Variants in CD72 observed in about 807,000 individuals in gnomAD.
The protein encoded by CD72 is B-cell differentiation antigen CD72.
A neutral mutation model predicts 50.7 loss-of-function variants in CD72; 28 were observed. The ratio of observed to expected loss-of-function variants is 0.55; its 90% CI spans 0.41 to 0.76. The LOEUF (loss-of-function observed/expected upper bound fraction) is 0.76, where lower values mean the gene tolerates loss of function less well. Among genes scored for constraint, CD72 ranks in the 30% least tolerant of loss-of-function variants. The pLI, the probability that CD72 is intolerant of heterozygous loss-of-function variation, is 0.00. For missense variants in CD72, 403 were observed against 420.6 expected (o/e 0.96, Z 0.37); for synonymous variants, 176 against 171.2 (o/e 1.03, Z -0.22).
chr9:35,614,728 C>T (rs1472088015), intron 5 of CD72, among the ~76,000 whole-genome samples: 4 of 151,802 alleles, frequency 2.6e-5, no homozygotes, highest in Non-Finnish European at 4.4e-5. Context: ...GAGCCAGGTG[C>T]GGTGGCTCAC....
chr9:35,636,314 GA>G, intron 1 of CD72, among the ~76,000 whole-genome samples: 1 of 152,144 alleles, frequency 6.6e-6, no homozygotes, highest in East Asian at 1.9e-4. Context: ...GGTTCTATTT[GA>G]CTTTTTTTTT....
At chr9:35,645,857 T>C (rs555539741) in intron 1 of CD72, among the ~76,000 whole-genome samples, 2 of 151,186 alleles carry the variant, frequency 1.3e-5, no homozygotes, top group East Asian at 3.9e-4. Flanking sequence ...TCCCCACCTA[T>C]AAGTAATTTC....
At chr9:35,627,106 C>T (rs561499067) in intron 1 of CD72, among the ~76,000 whole-genome samples, 4 of 147,330 alleles carry the variant, frequency 2.7e-5, no homozygotes, top group Non-Finnish European at 4.5e-5. Context: ...CCAAAGTGAT[C>T]GGATTACAGG....
chr9:35,611,992 G>C (rs1015377603), intron 6 of CD72, 73 bp from the exon 7 acceptor site: 6 of 842,350 alleles, frequency 7.1e-6, no homozygotes, highest in Non-Finnish European at 1.2e-5. Context: ...GCACACCCTA[G>C]GGAGGCCTCA....
rs538289883 is a variant in CD72, at chr9:35,618,374, G to T, written c.-71C>A. On this transcript the variant is annotated 5_prime_UTR_variant, in exon 1 of 9. Transcript: ENST00000259633. ...GTCCTCCCTTGCCCCTCTCGTCTCTGTCCGTTTACAACTAGGCTCTGTGTT... is the reference window on the plus strand; with the variant it reads ...GTCCTCCCTTGCCCCTCTCGTCTCTTTCCGTTTACAACTAGGCTCTGTGTT... The T allele has an allele frequency of 3.0e-3, 4,878 of 1,601,936 alleles. 13 individuals carry two copies. The highest frequency in any genetic ancestry group is 4.5e-3 in the Middle Eastern group (27 of 6,034).
At chr9:35,626,515 A>T (rs1823198223) in intron 1 of CD72, among the ~76,000 whole-genome samples, 1 of 152,182 alleles carries the variant, frequency 6.6e-6, no homozygotes, top group Non-Finnish European at 1.5e-5. Context: ...GCGAGGATTG[A>T]CTCCAATTTT....
chr9:35,621,479 C>T (rs1299396374), upstream of CD72, among the ~76,000 whole-genome samples: 1 of 152,222 alleles, frequency 6.6e-6, no homozygotes, highest in Non-Finnish European at 1.5e-5. Flanking sequence ...AACCCACTGG[C>T]CTCCGGGAAG....
At chr9:35,625,820 C>A (rs569053197) in intron 1 of CD72, among the ~76,000 whole-genome samples, 1 of 152,270 alleles carries the variant, frequency 6.6e-6, no homozygotes, top group Admixed American at 6.5e-5. Context: ...CATGGAAGAA[C>A]AAAGCCTGGA....
rs868360829 is a variant in CD72 at position 35,618,086 on chromosome 9, C to T, written c.118G>A (p.Glu40Lys). Residue 40 changes from glutamate (E) to lysine (K), a missense_variant, in exon 2 of 9, where the codon GAG (glutamate) becomes AAG (lysine). Transcript: ENST00000259633. ...GADDDGEITY[E>K]NVQVPAVLGV... ...AGGACTGCGGGCACTTGAACATTCT[C>T]GTAGGTGATTTCCCCATCATCATCA... The T allele has an allele frequency of 1.9e-6, 3 of 1,614,064 alleles. No individual in the cohort carries two copies. The East Asian group carries it at 6.7e-5, about 36-fold the overall frequency.
intron 4 of CD72, 118 bp downstream of exon 4, chr9:35,616,482 C>A: frequency 1.0e-6 from 1 of 972,038 alleles, no homozygotes; most frequent in South Asian, 1.4e-5. Context: ...AAACCAAACC[C>A]AAAGCTAAGG....
intron 7 of CD72, among the ~76,000 whole-genome samples, chr9:35,611,479 C>G (rs374816449): frequency 6.6e-6 from 1 of 152,062 alleles, no homozygotes; most frequent in Non-Finnish European, 1.5e-5. Context: ...GTGGCCTTCT[C>G]GAAGGATGGA....
chr9:35,610,519 C>A (rs1295091511), intron 8 of CD72, 83 bp downstream of exon 8: 1 of 989,094 alleles, frequency 1.0e-6, no homozygotes, highest in Non-Finnish European at 1.4e-6. Context: ...TCTCTCGGGC[C>A]CCTGGGCCCC....
intron 2 of CD72, among the ~76,000 whole-genome samples, chr9:35,617,457 C>G (rs566962175): frequency 2.0e-5 from 3 of 152,206 alleles, no homozygotes; most frequent in Non-Finnish European, 4.4e-5. Context: ...TATCTTTTCC[C>G]GGGACCCCCT....
intron 1 of CD72, among the ~76,000 whole-genome samples, chr9:35,645,594 C>CAA (rs74176727): frequency 2.5e-4 from 36 of 142,834 alleles, no homozygotes; most frequent in Admixed American, 5.8e-4. Flanking sequence ...AAAACAAAAA[C>CAA]AAACAAAAAA....
chr9:35,643,986 AAAAC>A (rs760031923), intron 1 of CD72, among the ~76,000 whole-genome samples: 26 of 151,890 alleles, frequency 1.7e-4, no homozygotes, highest in Admixed American at 7.2e-4. Flanking sequence ...ACTCCGTCTC[AAAAC>A]AAACAAACAA....
At position 35,618,261 on chromosome 9, in the gene CD72, C is replaced by T. The variant is rs777569845; in HGVS notation, c.43G>A (p.Ala15Thr). 6.2e-7 allele frequency: 1 copy of T among 1,614,192 alleles called. No homozygotes were observed. Among genetic ancestry groups the T allele is most frequent in the East Asian group, 2.2e-5 (1 of 44,882 alleles). Residue 15 changes from alanine (A) to threonine (T), a missense_variant, in exon 1 of 9, where the codon GCT becomes ACT. Transcript: ENST00000259633. Reference protein sequence around the residue: ...ITYADLRFVKAPLKKSISSRL... With the variant: ...ITYADLRFVKTPLKKSISSRL... ...CTGGAGATGCTCTTCTTCAGGGGAG[C>T]CTTCACAAACCTCAGATCTGCATAG... is the stretch of plus-strand genomic sequence containing the variant.
chr9:35,624,650 T>C (rs1257618972), intron 1 of CD72, among the ~76,000 whole-genome samples: 2 of 152,162 alleles, frequency 1.3e-5, no homozygotes, highest in East Asian at 1.9e-4. Flanking sequence ...ACTTCACTTA[T>C]TACGCTTCAC....
chr9:35,643,209 G>A (rs10972541), intron 1 of CD72: 8,240 of 152,388 alleles, frequency 0.054, 326 homozygotes, highest in Middle Eastern at 0.12. Flanking sequence ...GGCCCCCACT[G>A]GAGGTTGGAC....
intron 6 of CD72, 36 bp from the exon 7 acceptor site, chr9:35,611,955 A>G: frequency 9.1e-7 from 1 of 1,104,620 alleles, no homozygotes. Context: ...AGATACATGG[A>G]GAGTGATGAG....
Sources: gnomAD v4.1 joint callset for allele counts (sites outside exome capture counted in the v4.1 genomes callset) on GRCh38, gnomAD v4.1.1 for gene constraint, MANE v1.5 for transcripts, NCBI Gene and HGNC (gene_info 2026-07-23, HGNC 2026-07-21) for gene names.